CCSER1: variants seen among roughly 807,000 people sequenced by gnomAD.
The protein encoded by CCSER1 is coiled-coil serine rich protein 1, also known as serine-rich coiled-coil domain-containing protein 1.
In CCSER1, 41 loss-of-function variants were observed where a neutral mutation model predicts 82.0. The ratio of observed to expected loss-of-function variants is 0.50; its 90% CI spans 0.39 to 0.65. The LOEUF is 0.65. Among genes scored for constraint, CCSER1 ranks in the 30% least tolerant of loss-of-function variants. The pLI is 0.00. For missense variants in CCSER1, 1,119 were observed against 1,064.2 expected (o/e 1.05, Z -0.72); for synonymous variants, 414 against 383.9 (o/e 1.08, Z -0.92).
At chr4:91,388,880 G>A (rs1296316731) in intron 10 of CCSER1, among the ~76,000 whole-genome samples, 1 of 151,890 alleles carries the variant, frequency 6.6e-6, no homozygotes, top group Non-Finnish European at 1.5e-5. Flanking sequence ...AAATGCCTGT[G>A]TATCTTTTTT....
intron 10 of CCSER1, among the ~76,000 whole-genome samples, chr4:91,412,840 T>C (rs1009931992): frequency 6.6e-6 from 1 of 151,796 alleles, no homozygotes; most frequent in Non-Finnish European, 1.5e-5. Context: ...TACCACCAAA[T>C]GAAACAAATA....
In CCSER1 at chr4:91,469,138, A is replaced by T. The variant is rs115308249; in HGVS notation, c.2218-129434A>T. On this transcript the variant is annotated intron_variant, in intron 10 of 10. Transcript: ENST00000509176. ...CTACATTGGATCTTTCATTTTATCA[A>T]TTAATTTTCTTGTGTATTACTGATT... Among the ~76,000 whole-genome samples the T allele has an allele frequency of 9.1e-3, 1,393 of 152,286 alleles. 23 individuals are homozygous for T. The highest frequency in any genetic ancestry group is 0.031 in the African/African-American group (1,295 of 41,568).
chr4:90,450,024 C>A (rs1283292068), intron 4 of CCSER1, among the ~76,000 whole-genome samples: 1 of 152,194 alleles, frequency 6.6e-6, no homozygotes, highest in Non-Finnish European at 1.5e-5. Context: ...GCTATCAATC[C>A]CCCTTCTGAA....
chr4:91,557,026 A>AAAAT (rs1762438714), intron 10 of CCSER1, among the ~76,000 whole-genome samples: 1 of 151,116 alleles, frequency 6.6e-6, no homozygotes, highest in Admixed American at 6.6e-5. Flanking sequence ...AAATGGCAAG[A>AAAAT]AAATAAATGT....
intron 5 of CCSER1, among the ~76,000 whole-genome samples, chr4:90,525,515 G>A (rs1773642341): frequency 6.6e-6 from 1 of 151,940 alleles, no homozygotes; most frequent in Admixed American, 6.6e-5. Context: ...GTAAGTTGAA[G>A]TATTATTACC....
intron 10 of CCSER1, among the ~76,000 whole-genome samples, chr4:91,154,441 C>G (rs548212996): frequency 2.0e-5 from 3 of 152,144 alleles, no homozygotes; most frequent in African/African-American, 7.2e-5. Flanking sequence ...AGGGAATTCC[C>G]TGACCACTTG....
intron 10 of CCSER1, among the ~76,000 whole-genome samples, chr4:91,273,219 C>T (rs561046726): frequency 2.6e-5 from 4 of 152,100 alleles, no homozygotes; most frequent in Admixed American, 2.0e-4. Flanking sequence ...TTGATTCTAC[C>T]CATCCGTGAG....
rs1007367499 is a variant in CCSER1, at chr4:91,295,488, A to AT, written c.2217+209501dup. On this transcript the variant is annotated intron_variant, in intron 10 of 10. Transcript: ENST00000509176. ...AAGTCTGTTATCTAAATGGTTATATATTTTTTTCTGAAGAAACGTTAATAT... is the reference window on the plus strand; with the variant it reads ...AAGTCTGTTATCTAAATGGTTATATATTTTTTTTCTGAAGAAACGTTAATAT... Among the ~76,000 whole-genome samples, 5 of 151,884 alleles carry AT rather than the reference A, an allele frequency of 3.3e-5. 1 individual carries two copies. Among genetic ancestry groups the AT allele is most frequent in the South Asian group, 4.1e-4 (2 of 4,830 alleles).
rs556217635 is a variant in CCSER1 at position 90,797,923 on chromosome 4, A to G, written c.2011-17839A>G. Among the ~76,000 whole-genome samples, 21 of 152,166 alleles carry G rather than the reference A, an allele frequency of 1.4e-4. No homozygotes were observed. In the East Asian group the frequency reaches 3.1e-3, roughly 22 times the overall value. On this transcript the variant is annotated intron_variant, in intron 7 of 10. Transcript: ENST00000509176. The stretch of plus-strand genomic sequence containing the variant: ...TTTAACATTTTGTTCTTTCATTTCA[A>G]CCTTGGAGAATCTGAAGATTATGTC...
chr4:91,069,116 G>A (rs1721162977), intron 9 of CCSER1, among the ~76,000 whole-genome samples: 2 of 152,126 alleles, frequency 1.3e-5, no homozygotes, highest in Non-Finnish European at 2.9e-5. Flanking sequence ...AGAGGTTGCA[G>A]TGAGCTGAGA....
chr4:90,312,581 A>G (rs946724901), intron 2 of CCSER1, among the ~76,000 whole-genome samples: 4 of 152,170 alleles, frequency 2.6e-5, no homozygotes, highest in Non-Finnish European at 5.9e-5. Context: ...AAGGAGAGGT[A>G]GAAGGAATCA....
chr4:90,448,081 A>T (rs1760904984), intron 4 of CCSER1, among the ~76,000 whole-genome samples: 1 of 152,102 alleles, frequency 6.6e-6, no homozygotes, highest in African/African-American at 2.4e-5. Context: ...CTTATGTGAA[A>T]TACTTTGCAA....
chr4:90,305,915 A>G (rs1734178787), intron 1 of CCSER1, among the ~76,000 whole-genome samples: 1 of 152,232 alleles, frequency 6.6e-6, no homozygotes, highest in African/African-American at 2.4e-5. Flanking sequence ...TAGCCAAGAT[A>G]TGTAACAAAC....
Position 90,642,897 on chromosome 4 carries a change from T to TCC in CCSER1, c.1932+14665_1932+14666insCC, listed in dbSNP as rs1397646818. Reference sequence around the variant, plus strand: ...TACATACATGCATTATTTTCTGTTTTTTTTTTTTTTAAAGTAAAAGTGCTC... The same window carrying TCC: ...TACATACATGCATTATTTTCTGTTTTCCTTTTTTTTTTAAAGTAAAAGTGCTC... On this transcript the variant is annotated intron_variant, in intron 6 of 10. Transcript: ENST00000509176. Among the ~76,000 whole-genome samples the TCC allele has an allele frequency of 4.3e-3, 646 of 151,282 alleles. 4 individuals carry two copies. The highest frequency in any genetic ancestry group is 5.7e-3 in the Non-Finnish European group (386 of 67,868).
chr4:91,075,127 G>C (rs1463576821), intron 9 of CCSER1, among the ~76,000 whole-genome samples: 2 of 151,976 alleles, frequency 1.3e-5, no homozygotes, highest in African/African-American at 4.8e-5. Context: ...GCAGTTACCA[G>C]GGGTGTTCAT....
At chr4:90,660,448 A>G (rs1730561893) in intron 6 of CCSER1, among the ~76,000 whole-genome samples, 2 of 152,148 alleles carry the variant, frequency 1.3e-5, no homozygotes, top group South Asian at 4.1e-4. Context: ...CAAATACTGC[A>G]TCTTAAAATT....
chr4:90,429,229 G>T (rs1757947297), intron 4 of CCSER1, among the ~76,000 whole-genome samples: 1 of 151,622 alleles, frequency 6.6e-6, no homozygotes. Flanking sequence ...CAAAATTAGG[G>T]TCAAATGTGA....
chr4:91,173,932 C>A (rs1435027399), intron 10 of CCSER1, among the ~76,000 whole-genome samples: 3 of 152,062 alleles, frequency 2.0e-5, no homozygotes, highest in African/African-American at 7.2e-5. Context: ...TGGATTTTGT[C>A]AATTTTCCAA....
intron 1 of CCSER1, among the ~76,000 whole-genome samples, chr4:90,292,521 C>T (rs1409618036): frequency 6.6e-6 from 1 of 151,872 alleles, no homozygotes; most frequent in Admixed American, 6.6e-5. Context: ...TCAAAGACAG[C>T]TCTTTTAAAA....
Sources: allele counts gnomAD v4.1 joint callset (sites outside exome capture counted in the v4.1 genomes callset), GRCh38; gene constraint gnomAD v4.1.1; transcripts MANE v1.5; gene names NCBI Gene and HGNC (gene_info 2026-07-23, HGNC 2026-07-21).